The following NISCH variants were observed in gnomAD, a reference collection of about 807,000 sequenced individuals.
NISCH encodes the protein nischarin.
A neutral mutation model predicts 138.4 loss-of-function variants in NISCH; 55 were observed. The ratio of observed to expected loss-of-function variants is 0.40; its 90% confidence interval spans 0.32 to 0.50. The LOEUF (loss-of-function observed/expected upper bound fraction) is 0.50, where lower values mean the gene tolerates loss of function less well. Ranked by LOEUF, NISCH falls within the 20% of genes least tolerant of loss-of-function variation. The pLI is 0.71. For synonymous variants in NISCH, 860 were observed against 861.5 expected (o/e 1.00, Z 0.03); for missense variants, 1,643 against 2,005.5 (o/e 0.82, Z 3.45).
Position 52,456,992 on chromosome 3 carries a change from C to T in NISCH, c.94-851C>T, listed in dbSNP as rs1169721690. ...GGGGAGGTGGTGATCTAGTTTGGAC[C>T]CTACCATCCTCTGTCTCCGGGTGTG... On this transcript the variant is annotated intron_variant, in intron 1 of 20. Transcript: ENST00000345716. Among the ~76,000 whole-genome samples the T allele has an allele frequency of 3.3e-5, 5 of 152,306 alleles. No individual in the cohort carries two copies. In the East Asian group the frequency reaches 9.6e-4, roughly 29 times the overall value.
chr3:52,483,205 C>T (rs1166678036), intron 13 of NISCH, among the ~76,000 whole-genome samples: 1 of 152,164 alleles, frequency 6.6e-6, no homozygotes. Flanking sequence ...GGCGTTTGAG[C>T]TTGGGCCCAC....
intron 8 of NISCH, 114 bp from the exon 9 acceptor site, chr3:52,477,460 C>CTG: frequency 1.2e-6 from 1 of 821,152 alleles, no homozygotes; most frequent in Non-Finnish European, 2.1e-6. Flanking sequence ...AGGGACGGCC[C>CTG]GTGGGAGTCC....
chr3:52,484,462 T>TCGCCC, intron 13 of NISCH, 51 bp from the exon 14 acceptor site: 2 of 788,670 alleles, frequency 2.5e-6, no homozygotes, highest in South Asian at 2.1e-5. Context: ...ACAGCCGCTC[T>TCGCCC]CCCCGCCCCA....
chr3:52,485,929 G>A (rs983341301), intron 15 of NISCH, 102 bp downstream of exon 15: 13 of 1,026,994 alleles, frequency 1.3e-5, no homozygotes, highest in Non-Finnish European at 1.6e-5. Context: ...TTAAAAATCC[G>A]TTCACAGAAG....
intron 13 of NISCH, among the ~76,000 whole-genome samples, chr3:52,482,174 C>T (rs903161291): frequency 2.0e-5 from 3 of 152,142 alleles, no homozygotes; most frequent in Admixed American, 2.0e-4. Flanking sequence ...TTTTCAGCCG[C>T]GTGTTCCTGG....
chr3:52,472,188 C>A, intron 5 of NISCH, 115 bp from the exon 6 acceptor site: 1 of 1,099,484 alleles, frequency 9.1e-7, no homozygotes, highest in Middle Eastern at 2.9e-4. Flanking sequence ...CTGGCCTGAG[C>A]CTGCTTTGTT....
chr3:52,487,881 G>A lies in NISCH; in HGVS notation c.2389G>A (p.Ala797Thr), dbSNP rs142256480. The A allele has an allele frequency of 6.9e-5, 112 of 1,612,256 alleles. No individual in the cohort carries two copies. The highest frequency in any genetic ancestry group is 4.7e-4 in the East Asian group (21 of 44,856). Residue 797 changes from alanine to threonine, a missense_variant, in exon 16 of 21, where the codon GCC (alanine) becomes ACC (threonine). Transcript: ENST00000345716. This position sits in a 1 kb window ranked among gnomAD's most constrained non-coding sequence, Gnocchi z 9.1. ...SENTLFIISD[A>T]ANLHEFHADL... is the part of the protein sequence containing the mutation. ...GAACACGCTCTTCATTATCTCGGAC[G>A]CCGCCAACCTGCACGAGTTCCACGC...
intron 13 of NISCH, 92 bp downstream of exon 13, chr3:52,480,387 C>T (rs1362161231): frequency 6.4e-7 from 1 of 1,567,690 alleles, no homozygotes; most frequent in African/African-American, 1.4e-5. Flanking sequence ...GTGCCAGCAC[C>T]TGCTTCCAAC....
chr3:52,458,477 C>T (rs1261985412), intron 2 of NISCH, among the ~76,000 whole-genome samples, 185 bp from the exon 3 acceptor site: 1 of 152,188 alleles, frequency 6.6e-6, no homozygotes, highest in Non-Finnish European at 1.5e-5. Flanking sequence ...ATTGGTATTT[C>T]TAATGCTAAT....
intron 8 of NISCH, among the ~76,000 whole-genome samples, chr3:52,477,324 T>C (rs1304530562): frequency 6.6e-6 from 1 of 152,224 alleles, no homozygotes; most frequent in Non-Finnish European, 1.5e-5. Context: ...GGGACCTTGC[T>C]GTGTGTCATT....
chr3:52,472,483 C>A (rs774475578), intron 6 of NISCH, 85 bp downstream of exon 6: 5 of 1,192,718 alleles, frequency 4.2e-6, no homozygotes, highest in Non-Finnish European at 6.2e-6. Context: ...CTAATTTAAT[C>A]ATAAGGTGCT....
intron 11 of NISCH, among the ~76,000 whole-genome samples, chr3:52,478,931 C>T (rs1385481772): frequency 6.6e-6 from 1 of 152,190 alleles, no homozygotes; most frequent in African/African-American, 2.4e-5. Flanking sequence ...CTGCCCCTCG[C>T]GGTGTCTGTG....
chr3:52,491,860 A>ATC lies in NISCH; in HGVS notation c.3905-6_3905-5dup. On this transcript the variant is annotated splice_polypyrimidine_tract_variant and intron_variant, in intron 20 of 20. Transcript: ENST00000345716. ...GGTTCCAGGCTATAGCCCAGGTGGCATCTCTCTGCAGGGAAGATGGAGAAC... is the reference window on the plus strand; with the variant it reads ...GGTTCCAGGCTATAGCCCAGGTGGCATCTCTCTCTGCAGGGAAGATGGAGAAC... The ATC allele has an allele frequency of 6.4e-7, 1 of 1,572,002 alleles. No individual in the cohort carries two copies. Among genetic ancestry groups the ATC allele is most frequent in the African/African-American group, 1.3e-5 (1 of 74,192 alleles).
chr3:52,492,461 G>T lies in NISCH; in HGVS notation c.4494G>T (p.Leu1498=). The change falls in exon 21 of 21, where the codon CTG becomes CTT. Residue 1498 remains leucine, a synonymous_variant. Transcript: ENST00000345716. ...RQWEALCGRE[L]PVELTG ...GGGAGGCCCTGTGTGGCCGTGAGCT[G>T]CCTGTCGAGCTCACCGGCTAGCCCA... 2 of 1,605,096 alleles carry T rather than the reference G, an allele frequency of 1.2e-6. No individual in the cohort carries two copies.
rs1449791377 is a variant in NISCH, at chr3:52,487,079, G to A, written c.1704-117G>A. Reference sequence around the variant, plus strand: ...TGACTTGGCCATGTGGGAGGCTTGGGAGACCCATGGGTTGGTTTCTCAGGG... The same window carrying A: ...TGACTTGGCCATGTGGGAGGCTTGGAAGACCCATGGGTTGGTTTCTCAGGG... On this transcript the variant is annotated intron_variant, in intron 15 of 20. Transcript: ENST00000345716. The surrounding 1 kb of genome is among the most constrained non-coding windows in gnomAD (Gnocchi z 9.1). The A allele has an allele frequency of 3.4e-6, 4 of 1,179,420 alleles. No individual in the cohort carries two copies. The African/African-American group carries it at 4.6e-5, about 14-fold the overall frequency. The allele number at this position is 1,179,420 out of a possible 1,614,324, so 73.1% of individuals were successfully genotyped here.
At chr3:52,472,071 T>A (rs1399896213) in intron 5 of NISCH, 94 bp downstream of exon 5, 1 of 1,359,472 alleles carries the variant, frequency 7.4e-7, no homozygotes, top group Admixed American at 2.3e-5. Context: ...AAGGAGACCA[T>A]GGGGGACTGT....
In NISCH at chr3:52,484,503, G is replaced by T; in HGVS notation, c.1529-10G>T. ...CCTGCCTGCCTGCCCACCCGCCCTG[G>T]TCTCTCCAGGAATCATGTTCGTTCA... On this transcript the variant is annotated splice_polypyrimidine_tract_variant and intron_variant, in intron 13 of 20. Transcript: ENST00000345716. 9.4e-7 allele frequency: 1 copy of T among 1,058,402 alleles called. No individual in the cohort carries two copies. Among genetic ancestry groups the T allele is most frequent in the Non-Finnish European group, 1.3e-6 (1 of 785,494 alleles). 65.6% of individuals were successfully genotyped at this position (1,058,402 alleles called of 1,614,324 possible).
intron 3 of NISCH, 192 bp from the exon 4 acceptor site, chr3:52,470,667 T>C: frequency 1.6e-6 from 1 of 614,592 alleles, no homozygotes; most frequent in Non-Finnish European, 2.9e-6. Context: ...ATTTCAGGTA[T>C]CCACATAACT....
In NISCH at chr3:52,487,332, A is replaced by G; in HGVS notation, c.1840A>G (p.Ile614Val). 1 of 1,614,070 alleles carries G rather than the reference A, an allele frequency of 6.2e-7. No homozygotes were observed. ...QRLSTLIRQAIERQLPAWIEA... is the reference protein window; with the variant it reads ...QRLSTLIRQAVERQLPAWIEA... Reference sequence around the variant, plus strand: ...CCTGAGCACACTGATCCGGCAGGCCATCGAGCGGCAGCTGCCTGCCTGGAT... The same window carrying G: ...CCTGAGCACACTGATCCGGCAGGCCGTCGAGCGGCAGCTGCCTGCCTGGAT... The change falls in exon 16 of 21, where the codon ATC (isoleucine) becomes GTC (valine). Residue 614 changes from isoleucine to valine, a missense_variant. Ile to Val is a conservative substitution (Grantham distance 29). Transcript: ENST00000345716. This position sits in a 1 kb window ranked among gnomAD's most constrained non-coding sequence, Gnocchi z 9.1.
Sources: gnomAD v4.1 joint callset for allele counts (sites outside exome capture counted in the v4.1 genomes callset) on GRCh38, gnomAD v4.1.1 for gene constraint, Gnocchi (gnomAD v3.1) non-coding constraint, MANE v1.5 for transcripts, NCBI Gene and HGNC (gene_info 2026-07-23, HGNC 2026-07-21) for gene names.